PRKN: variants seen among roughly 807,000 people sequenced by gnomAD.
PRKN encodes the protein parkin RBR E3 ubiquitin protein ligase, also known as E3 ubiquitin-protein ligase parkin.
A neutral mutation model predicts 59.5 loss-of-function variants in PRKN; 56 were observed. The ratio of observed to expected loss-of-function variants is 0.94; its 90% CI spans 0.76 to 1.18. PRKN has a LOEUF of 1.18. Ranked by LOEUF, PRKN falls within the 50% of genes most tolerant of loss-of-function variation. PRKN has a pLI of 0.00. For synonymous variants in PRKN, 250 were observed against 222.1 expected, an observed-to-expected ratio of 1.13 and a Z score of -1.12; for missense variants, 657 against 596.4, an observed-to-expected ratio of 1.10 and a Z score of -1.06.
chr6:162,032,991 T>C (rs1239548450), intron 5 of PRKN, among the ~76,000 whole-genome samples: 1 of 152,228 alleles, frequency 6.6e-6, no homozygotes, highest in Non-Finnish European at 1.5e-5. Flanking sequence ...TTCTCTGAGA[T>C]CCTGGCTTTC....
At chr6:161,808,777 T>C (rs1161062868) in intron 6 of PRKN, among the ~76,000 whole-genome samples, 1 of 152,126 alleles carries the variant, frequency 6.6e-6, no homozygotes, top group African/African-American at 2.4e-5. Flanking sequence ...GAAAAGTAAT[T>C]AAACTTAGTT....
chr6:162,037,738 G>A lies in PRKN; in HGVS notation c.618+16353C>T, dbSNP rs558477452. ...GCTTTTGTATTTTTAGTAGAGACAGGGTTTCACCATGTTGGCCAGGATGGT... is the reference window on the plus strand; with the variant it reads ...GCTTTTGTATTTTTAGTAGAGACAGAGTTTCACCATGTTGGCCAGGATGGT... On this transcript the variant is annotated intron_variant, in intron 5 of 11. Coordinates refer to ENST00000366898, the MANE Select transcript of PRKN (RefSeq NM_004562.3). Among the ~76,000 whole-genome samples the A allele has an allele frequency of 4.6e-5, 7 of 151,920 alleles. No individual in the cohort carries two copies. In the East Asian group the frequency reaches 5.8e-4, roughly 13 times the overall value.
At chr6:161,777,337 G>A (rs189281233) in intron 7 of PRKN, among the ~76,000 whole-genome samples, 1 of 152,196 alleles carries the variant, frequency 6.6e-6, no homozygotes, top group Non-Finnish European at 1.5e-5. Context: ...GGAGAGCAGG[G>A]TTTCTACCTG....
intron 4 of PRKN, among the ~76,000 whole-genome samples, chr6:162,071,004 G>C (rs564295981): frequency 3.9e-5 from 6 of 152,074 alleles, no homozygotes; most frequent in African/African-American, 9.7e-5. Context: ...GAAATGGGCA[G>C]AGTGTCATTT....
chr6:162,484,810 T>A lies in PRKN; in HGVS notation c.8-41337A>T, dbSNP rs1792469856. ...GCCTATTGGGCATTTTGTTCCTTAT[T>A]ATTTGTAAGTGCTGTTAGCATATTC... On this transcript the variant is annotated intron_variant, in intron 1 of 11. Transcript: ENST00000366898. Among the ~76,000 whole-genome samples the A allele has an allele frequency of 2.6e-5, 4 of 152,326 alleles. No individual in the cohort carries two copies. In the South Asian group the frequency reaches 8.3e-4, roughly 32 times the overall value.
chr6:161,932,232 G>A (rs1306311392), intron 6 of PRKN, among the ~76,000 whole-genome samples: 1 of 151,908 alleles, frequency 6.6e-6, no homozygotes, highest in Non-Finnish European at 1.5e-5. Context: ...TAATTAAAAA[G>A]CAAACATACA....
intron 3 of PRKN, among the ~76,000 whole-genome samples, chr6:162,252,584 C>T (rs924293702): frequency 7.2e-5 from 11 of 152,192 alleles, no homozygotes; most frequent in African/African-American, 2.7e-4. Flanking sequence ...GAATGGGATA[C>T]GTGCTCTTAC....
chr6:162,068,672 TCTG>T (rs937921109), intron 4 of PRKN, among the ~76,000 whole-genome samples: 3 of 152,132 alleles, frequency 2.0e-5, no homozygotes, highest in African/African-American at 7.2e-5. Flanking sequence ...AAGGAGAGGG[TCTG>T]CTCCAGTCTC....
chr6:162,653,496 G>A (rs1778526455), intron 1 of PRKN, among the ~76,000 whole-genome samples: 2 of 152,044 alleles, frequency 1.3e-5, no homozygotes, highest in East Asian at 1.9e-4. Context: ...TGGAATTAGC[G>A]TTACCTTTTC....
intron 2 of PRKN, among the ~76,000 whole-genome samples, chr6:162,430,681 C>T (rs902608334): frequency 3.3e-5 from 5 of 151,890 alleles, no homozygotes; most frequent in African/African-American, 1.2e-4. Context: ...AAATTACAGG[C>T]CACATTAATA....
At chr6:161,556,203 T>C (rs1780232186) in intron 8 of PRKN, among the ~76,000 whole-genome samples, 1 of 152,240 alleles carries the variant, frequency 6.6e-6, no homozygotes, top group South Asian at 2.1e-4. Flanking sequence ...GTTATTTATT[T>C]TGTTTATGAT....
At chr6:162,666,029 A>T (rs1779087497) in intron 1 of PRKN, among the ~76,000 whole-genome samples, 1 of 152,180 alleles carries the variant, frequency 6.6e-6, no homozygotes, top group South Asian at 2.1e-4. Context: ...ACAAAAATTA[A>T]TTCGATTGAT....
chr6:162,617,376 C>T (rs989925829), intron 1 of PRKN, among the ~76,000 whole-genome samples: 7 of 152,108 alleles, frequency 4.6e-5, no homozygotes, highest in African/African-American at 1.7e-4. Context: ...GGATTACAGG[C>T]ACCTGCCAGC....
At chr6:161,406,021 C>T (rs1415260757) in intron 9 of PRKN, among the ~76,000 whole-genome samples, 2 of 152,028 alleles carry the variant, frequency 1.3e-5, no homozygotes, top group African/African-American at 4.8e-5. Context: ...GGGAAAGAAC[C>T]TGATAAGGGA....
At chr6:161,734,054 T>A (rs1019950131) in intron 7 of PRKN, among the ~76,000 whole-genome samples, 1 of 150,652 alleles carries the variant, frequency 6.6e-6, no homozygotes, top group African/African-American at 2.4e-5. Context: ...AAGTGTATCA[T>A]AAGGAAAGTT....
chr6:162,430,520 A>T (rs1261893615), intron 2 of PRKN, among the ~76,000 whole-genome samples: 1 of 152,110 alleles, frequency 6.6e-6, no homozygotes, highest in African/African-American at 2.4e-5. Flanking sequence ...CCAATAAAAG[A>T]CCGTTGAGTG....
chr6:162,506,784 C>A (rs1354952189), intron 1 of PRKN, among the ~76,000 whole-genome samples: 2 of 152,112 alleles, frequency 1.3e-5, no homozygotes, highest in Non-Finnish European at 2.9e-5. Context: ...CATCCAGCAC[C>A]AGCTTGGAGG....
intron 7 of PRKN, among the ~76,000 whole-genome samples, chr6:161,602,607 G>A (rs1782147860): frequency 6.6e-6 from 1 of 152,218 alleles, no homozygotes; most frequent in Non-Finnish European, 1.5e-5. Flanking sequence ...TTTGCTCTCT[G>A]TAGACTGCTG....
At chr6:162,610,410 G>C (rs1194411658) in intron 1 of PRKN, among the ~76,000 whole-genome samples, 1 of 152,214 alleles carries the variant, frequency 6.6e-6, no homozygotes, top group Non-Finnish European at 1.5e-5. Flanking sequence ...TAACGAATGT[G>C]CTGCTACGCT....
Sources: allele counts gnomAD v4.1 joint callset (sites outside exome capture counted in the v4.1 genomes callset), GRCh38; gene constraint gnomAD v4.1.1; transcripts MANE v1.5; gene names NCBI Gene and HGNC (gene_info 2026-07-23, HGNC 2026-07-21).